TMEM132B: variants seen among roughly 807,000 people sequenced by gnomAD.
The protein encoded by TMEM132B is transmembrane protein 132B.
A neutral mutation model predicts 90.8 loss-of-function variants in TMEM132B; 18 were observed. That is an observed-to-expected ratio of 0.20 (90% CI 0.14 to 0.29). TMEM132B has a LOEUF of 0.29. TMEM132B is among the 10% of genes least tolerant of loss of function. The pLI, the probability that TMEM132B is intolerant of heterozygous loss-of-function variation, is 1.00. For missense variants in TMEM132B, 1,096 were observed against 1,326.8 expected, an observed-to-expected ratio of 0.83 and a Z score of 2.70; for synonymous variants, 504 against 523.3, an observed-to-expected ratio of 0.96 and a Z score of 0.50.
At chr12:125,403,743 C>T (rs1879383495) in intron 2 of TMEM132B, among the ~76,000 whole-genome samples, 1 of 152,180 alleles carries the variant, frequency 6.6e-6, no homozygotes, top group Admixed American at 6.5e-5. Flanking sequence ...TTCATTTGTT[C>T]TGTTGTAACT....
intron 1 of TMEM132B, among the ~76,000 whole-genome samples, chr12:125,219,436 T>G (rs1396055659): frequency 6.6e-6 from 1 of 152,030 alleles, no homozygotes; most frequent in African/African-American, 2.4e-5. Context: ...GTGCCTGGAG[T>G]GGGCAGCTGT....
At chr12:125,515,502 GAC>G (rs1446999874) in intron 3 of TMEM132B, among the ~76,000 whole-genome samples, 3 of 146,822 alleles carry the variant, frequency 2.0e-5, no homozygotes, top group Admixed American at 1.4e-4. Flanking sequence ...CACATACATT[GAC>G]ACATTCGCTC....
intron 1 of TMEM132B, among the ~76,000 whole-genome samples, chr12:125,234,802 G>T (rs183558799): frequency 6.6e-6 from 1 of 152,112 alleles, no homozygotes; most frequent in African/African-American, 2.4e-5. Context: ...TCACTGGGAG[G>T]CAAGGCTCTT....
At chr12:125,210,404 T>C (rs1480832099) in intron 1 of TMEM132B, among the ~76,000 whole-genome samples, 7 of 152,196 alleles carry the variant, frequency 4.6e-5, no homozygotes, top group Admixed American at 4.6e-4. Context: ...ATGAGGGTGA[T>C]CACATGGTGC....
At chr12:125,221,320 C>G (rs144412945) in intron 1 of TMEM132B, among the ~76,000 whole-genome samples, 124 of 152,314 alleles carry the variant, frequency 8.1e-4, no homozygotes, top group Non-Finnish European at 1.4e-3. Flanking sequence ...ACTTTGTTCT[C>G]TACTCAGTGC....
At chr12:125,325,669 C>G (rs10540908) in intron 1 of TMEM132B, among the ~76,000 whole-genome samples, 3,022 of 124,276 alleles carry the variant, frequency 0.024, 100 homozygotes, top group African/African-American at 0.07. Flanking sequence ...GCCTCCCACC[C>G]TGTGTGTGTG....
At chr12:125,628,779 G>C (rs1886291319) in intron 5 of TMEM132B, among the ~76,000 whole-genome samples, 1 of 152,106 alleles carries the variant, frequency 6.6e-6, no homozygotes, top group South Asian at 2.1e-4. Context: ...TTCATAGTTT[G>C]AGGGCTTAGA....
chr12:125,388,437 A>G (rs1253553430), intron 2 of TMEM132B, among the ~76,000 whole-genome samples: 1 of 152,178 alleles, frequency 6.6e-6, no homozygotes, highest in Non-Finnish European at 1.5e-5. Context: ...CTTAAAAGAA[A>G]AAGAAAAACA....
chr12:125,437,555 T>C (rs1880741368), intron 3 of TMEM132B, among the ~76,000 whole-genome samples: 1 of 151,090 alleles, frequency 6.6e-6, no homozygotes, highest in Non-Finnish European at 1.5e-5. Context: ...CTACCAGCGA[T>C]GTAAGAGGGT....
intron 1 of TMEM132B, among the ~76,000 whole-genome samples, chr12:125,287,012 C>CTTTTT (rs34506859): frequency 7.0e-6 from 1 of 142,512 alleles, no homozygotes; most frequent in Non-Finnish European, 1.5e-5. Context: ...CAGAATTCCT[C>CTTTTT]TTTTTTTTTT....
intron 1 of TMEM132B, among the ~76,000 whole-genome samples, chr12:125,245,398 A>C (rs1224596149): frequency 1.6e-5 from 2 of 126,056 alleles, no homozygotes; most frequent in South Asian, 3.0e-4. Context: ...CTGCAGGTTG[A>C]TCCTGGTCAC....
chr12:125,240,081 C>T (rs190854518), intron 1 of TMEM132B, among the ~76,000 whole-genome samples: 6 of 152,308 alleles, frequency 3.9e-5, no homozygotes, highest in Admixed American at 1.3e-4. Flanking sequence ...CTTGCAGGGT[C>T]GTTTCCGGAA....
intron 5 of TMEM132B, among the ~76,000 whole-genome samples, chr12:125,636,995 A>G (rs1252636592): frequency 6.6e-6 from 1 of 152,228 alleles, no homozygotes; most frequent in Non-Finnish European, 1.5e-5. Context: ...GGCTTTCAGC[A>G]ATGTCTACTC....
chr12:125,572,418 A>C (rs1432811110), intron 4 of TMEM132B, among the ~76,000 whole-genome samples: 1 of 152,236 alleles, frequency 6.6e-6, no homozygotes, highest in South Asian at 2.1e-4. Flanking sequence ...TCCTCTCCAG[A>C]GGCTACGCCG....
chr12:125,260,567 T>G (rs1874541226), intron 1 of TMEM132B, among the ~76,000 whole-genome samples: 2 of 151,434 alleles, frequency 1.3e-5, no homozygotes, highest in South Asian at 4.2e-4. Flanking sequence ...CAGGCTGGTC[T>G]CAAACTCCTG....
chr12:125,603,643 C>G (rs994188639), intron 5 of TMEM132B, among the ~76,000 whole-genome samples: 2 of 152,176 alleles, frequency 1.3e-5, no homozygotes, highest in Non-Finnish European at 1.5e-5. Context: ...GCGAAAGAAA[C>G]TATCATCAGA....
intron 3 of TMEM132B, among the ~76,000 whole-genome samples, chr12:125,515,324 C>T (rs1032328328): frequency 4.0e-5 from 6 of 151,810 alleles, no homozygotes; most frequent in Admixed American, 2.6e-4. Context: ...TGTTCTCTTA[C>T]AGAAACAACA....
intron 1 of TMEM132B, among the ~76,000 whole-genome samples, chr12:125,311,780 G>A (rs1876131349): frequency 6.6e-6 from 1 of 152,186 alleles, no homozygotes; most frequent in African/African-American, 2.4e-5. Flanking sequence ...GGGAGGTTGG[G>A]TGGGGAATGT....
intron 3 of TMEM132B, among the ~76,000 whole-genome samples, chr12:125,515,328 A>G (rs552209302): frequency 9.2e-5 from 14 of 151,554 alleles, no homozygotes; most frequent in Admixed American, 8.6e-4. Flanking sequence ...CTCTTACAGA[A>G]ACAACACATT....
Sources: gnomAD v4.1 joint callset for allele counts (sites outside exome capture counted in the v4.1 genomes callset) on GRCh38, gnomAD v4.1.1 for gene constraint, MANE v1.5 for transcripts, NCBI Gene and HGNC (gene_info 2026-07-23, HGNC 2026-07-21) for gene names.